The following PDE4D variants were observed in gnomAD, a reference collection of about 807,000 sequenced individuals.
PDE4D encodes phosphodiesterase 4D.
PDE4D carries 24 observed loss-of-function variants against 87.4 expected under a neutral mutation model. The observed-to-expected ratio is 0.27, with a 90% CI of 0.20 to 0.39. The LOEUF (loss-of-function observed/expected upper bound fraction) is 0.39. Ranked by LOEUF, PDE4D falls within the 10% of genes least tolerant of loss-of-function variation. The pLI, the probability that PDE4D is intolerant of heterozygous loss-of-function variation, is 1.00. For synonymous variants in PDE4D, 384 were observed against 383.2 expected, an observed-to-expected ratio of 1.00 and a Z score of -0.02; for missense variants, 714 against 1,041.0, an observed-to-expected ratio of 0.69 and a Z score of 4.32.
intron 1 of PDE4D, among the ~76,000 whole-genome samples, chr5:59,753,897 T>A (rs918387692): frequency 2.0e-5 from 3 of 152,240 alleles, no homozygotes; most frequent in Admixed American, 2.0e-4. Context: ...TCAAGATGAA[T>A]GTAAGATAAT....
Position 58,993,482 on chromosome 5 carries a change from T to A in PDE4D, c.922-17A>T. 6.8e-7 allele frequency: 1 copy of A among 1,474,082 alleles called. No homozygotes were observed. The highest frequency in any genetic ancestry group is 9.4e-7 in the Non-Finnish European group (1 of 1,069,182). 91.3% of individuals were successfully genotyped at this position (1,474,082 alleles called of 1,614,324 possible). A position where few individuals can be genotyped will look rare whatever the true frequency, so the allele number is the denominator to read the frequency against. Reference sequence around the variant, plus strand: ...CCTTTTAAACTGAAAAACAGAAAAGTAAAATGAAATAATAGAAGAGGAAAA... The same window carrying A: ...CCTTTTAAACTGAAAAACAGAAAAGAAAAATGAAATAATAGAAGAGGAAAA... On this transcript the variant is annotated splice_polypyrimidine_tract_variant and intron_variant, in intron 6 of 14. Transcript: ENST00000340635.
chr5:60,003,878 A>G (rs1177148683), intron 2 of PDE4D, among the ~76,000 whole-genome samples: 4 of 152,222 alleles, frequency 2.6e-5, no homozygotes, highest in South Asian at 2.1e-4. Context: ...TAAACCCTGC[A>G]TATATAATCA....
chr5:59,707,596 C>G (rs907726598), intron 1 of PDE4D, among the ~76,000 whole-genome samples: 6 of 152,076 alleles, frequency 3.9e-5, no homozygotes, highest in Admixed American at 3.9e-4. Context: ...GGTTGCTGAA[C>G]CTATCAACCC....
intron 5 of PDE4D, among the ~76,000 whole-genome samples, chr5:59,157,725 T>G (rs923954897): frequency 1.3e-5 from 2 of 152,136 alleles, no homozygotes; most frequent in South Asian, 4.1e-4. Context: ...GCAACAAGAC[T>G]TGGCTAATAC....
At chr5:59,873,280 A>G (rs1033515945) in intron 1 of PDE4D, among the ~76,000 whole-genome samples, 1 of 152,230 alleles carries the variant, frequency 6.6e-6, no homozygotes, top group African/African-American at 2.4e-5. Context: ...TGACACAGTC[A>G]GGGGGATGAC....
At chr5:59,651,403 G>A (rs1743481800) in intron 1 of PDE4D, among the ~76,000 whole-genome samples, 1 of 151,418 alleles carries the variant, frequency 6.6e-6, no homozygotes, top group Non-Finnish European at 1.5e-5. Flanking sequence ...CATATTTAGT[G>A]CATGCTCAAT....
rs568212162 is a variant in PDE4D at position 60,101,599 on chromosome 5, C to T, written c.42+83958G>A. 3.9e-5 allele frequency among the ~76,000 whole-genome samples: 6 copies of T among 152,036 alleles called. 1 individual carries two copies. In the South Asian group the frequency reaches 1.2e-3, roughly 31 times the overall value. ...TAAGAGAATTTGGGTTGGAAGCTAA[C>T]AAGTTTTTCAATCCTAGGAATTCTA... On this transcript the variant is annotated intron_variant, in intron 2 of 16. Transcript: ENST00000502484.
At chr5:59,482,474 A>C (rs766650658) in intron 1 of PDE4D, among the ~76,000 whole-genome samples, 2 of 152,140 alleles carry the variant, frequency 1.3e-5, no homozygotes, top group Non-Finnish European at 2.9e-5. Context: ...GCTATTTCAG[A>C]TATTCAGGCA....
At chr5:59,130,154 G>A (rs1275647570) in intron 5 of PDE4D, among the ~76,000 whole-genome samples, 1 of 152,098 alleles carries the variant, frequency 6.6e-6, no homozygotes, top group East Asian at 1.9e-4. Context: ...CCAAATATAT[G>A]ATCATTGGCC....
chr5:59,337,851 A>G (rs1219348548), intron 1 of PDE4D, among the ~76,000 whole-genome samples: 1 of 152,188 alleles, frequency 6.6e-6, no homozygotes, highest in Non-Finnish European at 1.5e-5. Context: ...TTAAGAGGTC[A>G]TGGGGCACGA....
At chr5:59,490,796 T>C (rs551051480) in intron 1 of PDE4D, among the ~76,000 whole-genome samples, 5 of 152,316 alleles carry the variant, frequency 3.3e-5, no homozygotes, top group Admixed American at 6.5e-5. Context: ...CCAGAATCAA[T>C]TGGCAACTGA....
chr5:60,050,559 C>T lies in PDE4D; in HGVS notation c.43-61842G>A, dbSNP rs116112686. 7.4e-3 allele frequency among the ~76,000 whole-genome samples: 1,132 copies of T among 152,268 alleles called. 17 individuals are homozygous for T. The highest frequency in any genetic ancestry group is 0.046 in the East Asian group (236 of 5,178). ...AGCACTAAATTTGGAAAGGAACAAC[C>T]GGTAACAGCCACTGCAAAAACATAC... On this transcript the variant is annotated intron_variant, in intron 2 of 16. Coordinates refer to the PDE4D transcript ENST00000502484.
intron 1 of PDE4D, among the ~76,000 whole-genome samples, chr5:59,640,360 C>T (rs1741368141): frequency 6.6e-6 from 1 of 152,222 alleles, no homozygotes; most frequent in Non-Finnish European, 1.5e-5. Context: ...CTTCAGCTAG[C>T]TGCATTAAGT....
At chr5:60,433,275 C>T (rs1306333423) in intron 1 of PDE4D, among the ~76,000 whole-genome samples, 1 of 151,966 alleles carries the variant, frequency 6.6e-6, no homozygotes, top group African/African-American at 2.4e-5. Context: ...GGCAAAGACA[C>T]TTTTCAAAAT....
chr5:60,450,898 C>T (rs939100491), intron 1 of PDE4D, among the ~76,000 whole-genome samples: 7 of 152,038 alleles, frequency 4.6e-5, no homozygotes, highest in African/African-American at 1.7e-4. Context: ...CCTGCAGTTC[C>T]CTGTAAGGTT....
chr5:59,652,649 T>A (rs1179582059), intron 1 of PDE4D, among the ~76,000 whole-genome samples: 1 of 152,254 alleles, frequency 6.6e-6, no homozygotes, highest in Non-Finnish European at 1.5e-5. Flanking sequence ...TATATTTGTT[T>A]GAGAGATCTC....
intron 1 of PDE4D, among the ~76,000 whole-genome samples, chr5:60,347,582 C>A (rs974040688): frequency 1.2e-4 from 18 of 151,946 alleles, no homozygotes; most frequent in Middle Eastern, 3.4e-3. Flanking sequence ...GGAAAAACAA[C>A]AAAAAATGCT....
intron 1 of PDE4D, among the ~76,000 whole-genome samples, chr5:60,373,705 G>A (rs76186131): frequency 0.018 from 2,751 of 152,204 alleles, 74 homozygotes; most frequent in African/African-American, 0.063. Flanking sequence ...GCCAAGAAGG[G>A]ATCTTTTTGG....
At chr5:59,678,693 G>A (rs957073131) in intron 1 of PDE4D, among the ~76,000 whole-genome samples, 55 of 152,080 alleles carry the variant, frequency 3.6e-4, no homozygotes, top group Non-Finnish European at 7.4e-5. Flanking sequence ...TTAAATTTCT[G>A]ACCTCAAGTG....
Sources: gnomAD v4.1 joint callset for allele counts (sites outside exome capture counted in the v4.1 genomes callset) on GRCh38, gnomAD v4.1.1 for gene constraint, MANE v1.5 for transcripts, NCBI Gene and HGNC (gene_info 2026-07-23, HGNC 2026-07-21) for gene names.